Variants in BCHE observed in about 807,000 individuals in gnomAD.
BCHE encodes the protein butyrylcholinesterase.
In BCHE, 48 loss-of-function variants were observed where a neutral mutation model predicts 51.3. The observed-to-expected ratio is 0.94, with a 90% CI of 0.74 to 1.19. The LOEUF (loss-of-function observed/expected upper bound fraction) is 1.19. Ranked by LOEUF, BCHE falls within the 50% of genes most tolerant of loss-of-function variation. The pLI is 0.00. For missense variants in BCHE, 847 were observed against 708.2 expected, an observed-to-expected ratio of 1.20 and a Z score of -2.23; for synonymous variants, 251 against 238.0, an observed-to-expected ratio of 1.05 and a Z score of -0.50.
intron 2 of BCHE, among the ~76,000 whole-genome samples, chr3:165,807,517 GATTTATTTATTTATTT>G (rs58025912): frequency 6.7e-6 from 1 of 149,790 alleles, no homozygotes; most frequent in Non-Finnish European, 1.5e-5. Flanking sequence ...GTTATTATGA[GATTTATTTATTTATTT>G]ATTTATTTAT....
chr3:165,791,026 G>A (rs769593135), intron 2 of BCHE, among the ~76,000 whole-genome samples: 3 of 152,130 alleles, frequency 2.0e-5, no homozygotes, highest in Non-Finnish European at 2.9e-5. Context: ...GGCCAGGCAC[G>A]GTGGCTCACG....
At chr3:165,813,061 C>T (rs17838865) in intron 2 of BCHE, among the ~76,000 whole-genome samples, 8 of 23,664 alleles carry the variant, frequency 3.4e-4, no homozygotes, top group Non-Finnish European at 1.5e-3. Context: ...CCTTTTTTTT[C>T]CTATCAGGAT....
intron 2 of BCHE, among the ~76,000 whole-genome samples, chr3:165,810,754 G>A (rs1424674578): frequency 6.6e-6 from 1 of 152,000 alleles, no homozygotes; most frequent in East Asian, 1.9e-4. Flanking sequence ...CAGTGTTTGA[G>A]GTAAGCTTGC....
At chr3:165,792,796 T>G (rs1280363811) in intron 2 of BCHE, among the ~76,000 whole-genome samples, 1 of 152,208 alleles carries the variant, frequency 6.6e-6, no homozygotes, top group Non-Finnish European at 1.5e-5. Flanking sequence ...CAATTCTGTA[T>G]GTATGTGTAT....
At chr3:165,791,390 T>A (rs1349573290) in intron 2 of BCHE, among the ~76,000 whole-genome samples, 2 of 152,140 alleles carry the variant, frequency 1.3e-5, no homozygotes, top group East Asian at 1.9e-4. Context: ...TGGTTCAAGG[T>A]GACCAATTAG....
rs150905294 is a variant in BCHE, at chr3:165,816,512, G to C, written c.1517+13005C>G. ...CTCTTTGAAAGAGTTGCCTCAAATTGCAATTACTGATTCCTCTCCTCTCAT... is the reference window on the plus strand; with the variant it reads ...CTCTTTGAAAGAGTTGCCTCAAATTCCAATTACTGATTCCTCTCCTCTCAT... On this transcript the variant is annotated intron_variant, in intron 2 of 3. Coordinates refer to ENST00000264381, the MANE Select transcript of BCHE (RefSeq NM_000055.4). Among the ~76,000 whole-genome samples the C allele has an allele frequency of 3.9e-3, 586 of 151,866 alleles. 3 individuals carry two copies. The highest frequency in any genetic ancestry group is 0.014 in the Middle Eastern group (4 of 294).
At chr3:165,796,824 T>C (rs1452070979) in intron 2 of BCHE, among the ~76,000 whole-genome samples, 1 of 152,176 alleles carries the variant, frequency 6.6e-6, no homozygotes, top group Non-Finnish European at 1.5e-5. Flanking sequence ...TTCTTTGTAT[T>C]GCACATCTTC....
intron 2 of BCHE, among the ~76,000 whole-genome samples, chr3:165,825,528 T>C (rs542208018): frequency 1.3e-5 from 2 of 152,006 alleles, no homozygotes; most frequent in Admixed American, 1.3e-4. Flanking sequence ...TGGGAGAAAA[T>C]ATTGAAAATA....
intron 2 of BCHE, among the ~76,000 whole-genome samples, chr3:165,814,875 G>T (rs911028063): frequency 4.7e-5 from 7 of 150,366 alleles, no homozygotes; most frequent in African/African-American, 1.7e-4. Context: ...AGACGTATGG[G>T]TCATATTTAT....
chr3:165,804,341 T>C (rs1713789794), intron 2 of BCHE, among the ~76,000 whole-genome samples: 1 of 152,166 alleles, frequency 6.6e-6, no homozygotes, highest in Non-Finnish European at 1.5e-5. Context: ...AAAGTAGCTA[T>C]TAAACAATGT....
At chr3:165,773,903 T>C (rs945417277) in intron 3 of BCHE, among the ~76,000 whole-genome samples, 1 of 152,058 alleles carries the variant, frequency 6.6e-6, no homozygotes, top group South Asian at 2.1e-4. Context: ...TATAGTTATA[T>C]AACAGATAAT....
At chr3:165,794,345 A>G (rs1248564527) in intron 2 of BCHE, among the ~76,000 whole-genome samples, 1 of 152,164 alleles carries the variant, frequency 6.6e-6, no homozygotes, top group Non-Finnish European at 1.5e-5. Flanking sequence ...TTTTCTTTGC[A>G]TACTCACACA....
chr3:165,785,083 T>C (rs1196403956), intron 3 of BCHE, among the ~76,000 whole-genome samples: 1 of 151,802 alleles, frequency 6.6e-6, no homozygotes, highest in Non-Finnish European at 1.5e-5. Flanking sequence ...ATAATTATAA[T>C]TTTTGTGAGT....
At chr3:165,794,168 A>G (rs370617727) in intron 2 of BCHE, among the ~76,000 whole-genome samples, 3 of 152,234 alleles carry the variant, frequency 2.0e-5, no homozygotes, top group East Asian at 3.8e-4. Flanking sequence ...ACAGCAATTT[A>G]ATATTAATCC....
chr3:165,813,907 T>C (rs188954309), intron 2 of BCHE, among the ~76,000 whole-genome samples: 286 of 152,112 alleles, frequency 1.9e-3, no homozygotes, highest in African/African-American at 6.7e-3. Flanking sequence ...TTAATTTACA[T>C]ATACTCTAAT....
At chr3:165,837,180 A>G in intron 1 of BCHE, 134 bp downstream of exon 1, 1 of 440,364 alleles carries the variant, frequency 2.3e-6, no homozygotes, top group Non-Finnish European at 3.9e-6. Context: ...TCCCATTTGC[A>G]AGCTTCAGTA....
At chr3:165,821,079 C>A (rs1215149295) in intron 2 of BCHE, among the ~76,000 whole-genome samples, 1 of 151,808 alleles carries the variant, frequency 6.6e-6, no homozygotes, top group Non-Finnish European at 1.5e-5. Flanking sequence ...CTTTAAAATT[C>A]TAATAATAGA....
intron 2 of BCHE, among the ~76,000 whole-genome samples, chr3:165,812,169 A>T (rs145947732): frequency 1.9e-3 from 285 of 152,052 alleles, no homozygotes; most frequent in African/African-American, 6.7e-3. Flanking sequence ...AAGATATACA[A>T]TTTTATCAGT....
At chr3:165,777,743 A>G (rs1419182873) in intron 3 of BCHE, 1 of 447,158 alleles carries the variant, frequency 2.2e-6, no homozygotes. Flanking sequence ...ACCTCTGTCA[A>G]TCCAGAGACA....
Sources: gnomAD v4.1 joint callset for allele counts (sites outside exome capture counted in the v4.1 genomes callset) on GRCh38, gnomAD v4.1.1 for gene constraint, MANE v1.5 for transcripts, NCBI Gene and HGNC (gene_info 2026-07-23, HGNC 2026-07-21) for gene names.